FBXO34: variants seen among roughly 807,000 people sequenced by gnomAD.
FBXO34 encodes F-box only protein 34.
In FBXO34, 12 loss-of-function variants were observed where a neutral mutation model predicts 24.5. The ratio of observed to expected loss-of-function variants is 0.49; its 90% CI spans 0.31 to 0.79. The LOEUF (loss-of-function observed/expected upper bound fraction) is 0.79. FBXO34 is among the 30% of genes least tolerant of loss of function. The pLI is 0.04. For synonymous variants in FBXO34, 320 were observed against 311.9 expected, an observed-to-expected ratio of 1.03 and a Z score of -0.27; for missense variants, 823 against 857.7, an observed-to-expected ratio of 0.96 and a Z score of 0.51.
chr14:55,346,352 C>T (rs569209390), intron 1 of FBXO34, among the ~76,000 whole-genome samples: 3 of 152,092 alleles, frequency 2.0e-5, no homozygotes, highest in Non-Finnish European at 4.4e-5. Context: ...TAAAGAGTGG[C>T]ACAGTTTAGT....
the FBXO34 span, among the ~76,000 whole-genome samples, chr14:55,423,784 T>G: frequency 6.6e-6 from 1 of 152,216 alleles, no homozygotes; most frequent in East Asian, 1.9e-4. Flanking sequence ...TCACAAAGCT[T>G]AAAATATTTA....
At chr14:55,411,893 G>T in the FBXO34 span, 3 of 1,400,900 alleles carry the variant, frequency 2.1e-6, no homozygotes, top group Non-Finnish European at 2.9e-6. Flanking sequence ...CCAGGAGGAG[G>T]GGCCTGGGGA....
At chr14:55,280,758 C>T (rs918194323) in intron 1 of FBXO34, among the ~76,000 whole-genome samples, 1 of 151,952 alleles carries the variant, frequency 6.6e-6, no homozygotes. Context: ...GATCTCCTGA[C>T]CTCGTGATCC....
the FBXO34 span, among the ~76,000 whole-genome samples, chr14:55,427,009 A>G: frequency 6.6e-6 from 1 of 152,214 alleles, no homozygotes; most frequent in Non-Finnish European, 1.5e-5. Context: ...ACACAACCTT[A>G]GAGTTCGGGC....
At chr14:55,363,741 G>A (rs867151547), downstream of FBXO34, among the ~76,000 whole-genome samples, 4 of 152,124 alleles carry the variant, frequency 2.6e-5, no homozygotes, top group Non-Finnish European at 5.9e-5. Flanking sequence ...AGAACATCAT[G>A]AGATTTTTTG....
At chr14:55,384,082 G>A in the FBXO34 span, among the ~76,000 whole-genome samples, 1 of 152,164 alleles carries the variant, frequency 6.6e-6, no homozygotes, top group African/African-American at 2.4e-5. Context: ...CTGTACTGCT[G>A]CGTCTCCCTT....
At chr14:55,287,193 A>G (rs1162300174) in intron 1 of FBXO34, among the ~76,000 whole-genome samples, 1 of 152,188 alleles carries the variant, frequency 6.6e-6, no homozygotes, top group African/African-American at 2.4e-5. Flanking sequence ...GGCATGAGCC[A>G]CTGTACCCGG....
the FBXO34 span, among the ~76,000 whole-genome samples, chr14:55,395,506 T>C: frequency 6.6e-6 from 1 of 152,158 alleles, no homozygotes; most frequent in Non-Finnish European, 1.5e-5. Flanking sequence ...GCATTAACCC[T>C]TGCACCTGGC....
chr14:55,440,583 G>T, the FBXO34 span: 2 of 1,550,606 alleles, frequency 1.3e-6, no homozygotes, highest in Non-Finnish European at 8.7e-7. Flanking sequence ...GCGGCCCTCG[G>T]CCCAGGTTCC....
At chr14:55,368,703 G>A (rs1316446843), downstream of FBXO34, 1 of 152,170 alleles carries the variant, frequency 6.6e-6, no homozygotes, top group Non-Finnish European at 1.5e-5. Flanking sequence ...AAAGAAAGTG[G>A]ACACCACAAG....
downstream of FBXO34, among the ~76,000 whole-genome samples, chr14:55,356,281 A>T (rs1884521671): frequency 6.6e-6 from 1 of 152,208 alleles, no homozygotes; most frequent in Admixed American, 6.5e-5. Flanking sequence ...CTACAGCCTG[A>T]TACAAAAACA....
At chr14:55,403,585 G>GT in the FBXO34 span, among the ~76,000 whole-genome samples, 2 of 151,790 alleles carry the variant, frequency 1.3e-5, no homozygotes, top group Admixed American at 1.3e-4. Flanking sequence ...CTAACTTTGG[G>GT]TTTTAAAAAG....
At chr14:55,392,756 G>A in the FBXO34 span, among the ~76,000 whole-genome samples, 1 of 151,606 alleles carries the variant, frequency 6.6e-6, no homozygotes, top group African/African-American at 2.4e-5. Flanking sequence ...ATGCTCAAAT[G>A]TTCATGGTGT....
In FBXO34 at chr14:55,295,514, C is replaced by T. The variant is rs575132896; in HGVS notation, c.-11+23977C>T. Among the ~76,000 whole-genome samples the T allele has an allele frequency of 3.4e-4, 52 of 151,298 alleles. 1 individual carries two copies. The South Asian group carries it at 0.011, about 32-fold the overall frequency. On this transcript the variant is annotated intron_variant, in intron 1 of 1. Coordinates refer to ENST00000313833, the MANE Select transcript of FBXO34 (RefSeq NM_017943.4). ...GGCTCAAGCGATTCTCCAGCCTCAG[C>T]CTCCCGAGTAGCTGGGATTACAGGC...
chr14:55,407,287 C>T, the FBXO34 span, among the ~76,000 whole-genome samples: 20 of 152,184 alleles, frequency 1.3e-4, no homozygotes, highest in Admixed American at 5.9e-4. Flanking sequence ...CGTGCCACCA[C>T]GCCCAGCTAA....
At chr14:55,364,644 G>A (rs564452029), downstream of FBXO34, among the ~76,000 whole-genome samples, 6 of 151,482 alleles carry the variant, frequency 4.0e-5, no homozygotes, top group African/African-American at 9.7e-5. Context: ...GGCCAGGCTG[G>A]TTTTGAACTC....
the FBXO34 span, among the ~76,000 whole-genome samples, chr14:55,412,862 G>A: frequency 2.6e-5 from 4 of 152,172 alleles, no homozygotes; most frequent in East Asian, 7.7e-4. Flanking sequence ...CTACAAACCT[G>A]TTTTCTTACT....
chr14:55,341,354 G>C (rs373251929), intron 1 of FBXO34, among the ~76,000 whole-genome samples: 1 of 152,208 alleles, frequency 6.6e-6, no homozygotes, highest in African/African-American at 2.4e-5. Flanking sequence ...TTGTGAGAAA[G>C]TGCACAGATG....
At chr14:55,278,762 A>G (rs1044327210) in intron 1 of FBXO34, among the ~76,000 whole-genome samples, 1 of 152,324 alleles carries the variant, frequency 6.6e-6, no homozygotes, top group South Asian at 2.1e-4. Context: ...AACAAGGCTC[A>G]CTGCAGCTGA....
Sources: allele counts gnomAD v4.1 joint callset (sites outside exome capture counted in the v4.1 genomes callset), GRCh38; gene constraint gnomAD v4.1.1; transcripts MANE v1.5; gene names NCBI Gene and HGNC (gene_info 2026-07-23, HGNC 2026-07-21).